Variants in DAB2IP observed in about 807,000 individuals in gnomAD.
The protein encoded by DAB2IP is disabled homolog 2-interacting protein.
A neutral mutation model predicts 107.2 loss-of-function variants in DAB2IP; 28 were observed. The ratio of observed to expected loss-of-function variants is 0.26; its 90% confidence interval spans 0.19 to 0.36. The LOEUF (loss-of-function observed/expected upper bound fraction) is 0.36, where lower values mean the gene tolerates loss of function less well. Ranked by LOEUF, DAB2IP falls within the 10% of genes least tolerant of loss-of-function variation. DAB2IP has a pLI of 1.00. For synonymous variants in DAB2IP, 755 were observed against 706.4 expected (o/e 1.07, Z -1.09); for missense variants, 1,400 against 1,644.7 (o/e 0.85, Z 2.57).
In DAB2IP at chr9:121,699,163, G is replaced by A. The variant is rs1003010451; in HGVS notation, c.229-162G>A. Among the ~76,000 whole-genome samples the A allele has an allele frequency of 4.1e-5, 6 of 145,028 alleles. No individual in the cohort carries two copies. In the South Asian group the frequency reaches 1.3e-3, roughly 30 times the overall value. Reference sequence around the variant, plus strand: ...GCCGGGCCGTCGGCGCTCGGTCGGCGGGCGGGCGGCGCGGGCCGCGAGCTG... The same window carrying A: ...GCCGGGCCGTCGGCGCTCGGTCGGCAGGCGGGCGGCGCGGGCCGCGAGCTG... On this transcript the variant is annotated intron_variant, in intron 2 of 15. Transcript: ENST00000408936. The surrounding 1 kb of genome is among the most constrained non-coding windows in gnomAD (Gnocchi z 6.2).
intron 1 of DAB2IP, among the ~76,000 whole-genome samples, chr9:121,655,150 G>T (rs1011121193): frequency 6.6e-6 from 1 of 152,092 alleles, no homozygotes; most frequent in African/African-American, 2.4e-5. Flanking sequence ...GTAGCTGGAG[G>T]TGGGGTAGAA....
At chr9:121,711,946 A>G (rs914744880) in intron 3 of DAB2IP, among the ~76,000 whole-genome samples, 2 of 152,348 alleles carry the variant, frequency 1.3e-5, no homozygotes, top group African/African-American at 4.8e-5. Flanking sequence ...CCTCTGCAGA[A>G]GGCAGTGGTC....
chr9:121,754,170 G>GC, intron 3 of DAB2IP, among the ~76,000 whole-genome samples: 1 of 152,116 alleles, frequency 6.6e-6, no homozygotes, highest in African/African-American at 2.4e-5. Context: ...TCCTTCCTTA[G>GC]CCCCCTCATC....
At chr9:121,588,889 A>G (rs553636376) in intron 1 of DAB2IP, among the ~76,000 whole-genome samples, 1 of 151,808 alleles carries the variant, frequency 6.6e-6, no homozygotes, top group African/African-American at 2.4e-5. Context: ...CTGAGGGACT[A>G]CTTCTAGCAG....
chr9:121,622,144 A>C (rs1188210853), intron 1 of DAB2IP, among the ~76,000 whole-genome samples: 1 of 151,230 alleles, frequency 6.6e-6, no homozygotes, highest in Non-Finnish European at 1.5e-5. Flanking sequence ...GTGTGCCACC[A>C]CGCTCGGCTA....
In DAB2IP at chr9:121,699,144, C is replaced by T. The variant is rs2118726222; in HGVS notation, c.229-181C>T. Among the ~76,000 whole-genome samples, 1 of 145,006 alleles carries T rather than the reference C, an allele frequency of 6.9e-6. No individual in the cohort carries two copies. Among genetic ancestry groups the T allele is most frequent in the South Asian group, 2.1e-4 (1 of 4,770 alleles). On this transcript the variant is annotated intron_variant, in intron 2 of 15. Transcript: ENST00000408936. The surrounding 1 kb of genome is among the most constrained non-coding windows in gnomAD (Gnocchi z 6.2). ...GCTGGGCCGCGCTGCGCGGGCCGGG[C>T]CGTCGGCGCTCGGTCGGCGGGCGGG...
At chr9:121,569,108 T>A (rs1047168749) in intron 1 of DAB2IP, among the ~76,000 whole-genome samples, 1 of 152,122 alleles carries the variant, frequency 6.6e-6, no homozygotes, top group African/African-American at 2.4e-5. Context: ...GGGTCTGGCT[T>A]TTCCAGCCAA....
chr9:121,630,868 A>G (rs940815822), intron 1 of DAB2IP, among the ~76,000 whole-genome samples: 2 of 152,158 alleles, frequency 1.3e-5, no homozygotes, highest in African/African-American at 4.8e-5. Context: ...TTGGCCTCCC[A>G]AAGTGCTGGG....
chr9:121,703,023 T>C (rs1378774321), intron 3 of DAB2IP, among the ~76,000 whole-genome samples: 1 of 152,154 alleles, frequency 6.6e-6, no homozygotes, highest in Non-Finnish European at 1.5e-5. Context: ...TGTGTGGAGT[T>C]AGGGATCGAT....
chr9:121,617,822 C>A (rs1831331224), intron 1 of DAB2IP, among the ~76,000 whole-genome samples: 1 of 152,206 alleles, frequency 6.6e-6, no homozygotes. Flanking sequence ...AATGGGGGGT[C>A]AGGAGCTCAT....
Position 121,776,337 on chromosome 9 carries a change from G to A in DAB2IP, c.3260G>A (p.Arg1087Gln), listed in dbSNP as rs1432036787. The A allele has an allele frequency of 6.4e-6, 10 of 1,555,494 alleles. No homozygotes were observed. The highest frequency in any genetic ancestry group is 2.4e-5 in the East Asian group (1 of 41,510). The change falls in exon 14 of 16, where the codon CGG (arginine) becomes CAG (glutamine). Residue 1087 changes from arginine (R) to glutamine (Q), a missense_variant. Coordinates refer to ENST00000408936, the Ensembl canonical transcript of DAB2IP. This position sits in a 1 kb window ranked among gnomAD's most constrained non-coding sequence, Gnocchi z 5.4. ...GCACGGCTGGAGGAGGGCGAGGAGC[G>A]GCTGCGGCGGCAGCAGGAGGACAAG...
chr9:121,767,842 G>A (rs1441678727), intron 9 of DAB2IP, among the ~76,000 whole-genome samples: 1 of 152,186 alleles, frequency 6.6e-6, no homozygotes, highest in Non-Finnish European at 1.5e-5. Flanking sequence ...CAAGGGACAA[G>A]GTTAGGGGTG....
chr9:121,716,213 G>A (rs535792644), intron 3 of DAB2IP, among the ~76,000 whole-genome samples: 4 of 152,198 alleles, frequency 2.6e-5, no homozygotes, highest in African/African-American at 4.8e-5. Flanking sequence ...TGGTGGTAGT[G>A]GAGTATACTT....
intron 1 of DAB2IP, among the ~76,000 whole-genome samples, chr9:121,568,989 G>A (rs1564676260): frequency 6.6e-6 from 1 of 152,216 alleles, no homozygotes; most frequent in Admixed American, 6.5e-5. Flanking sequence ...GGAGGTAAGG[G>A]ATTCAAGAGG....
At chr9:121,770,653 C>T (rs1160589595) in exon 11 of DAB2IP, 5 of 1,614,142 alleles carry the variant, frequency 3.1e-6, no homozygotes, top group Non-Finnish European at 3.4e-6. Context: ...ACCTGGCCTC[C>T]ACACCGGGCT....
chr9:121,758,621 A>G lies in DAB2IP; in HGVS notation c.517-277A>G, dbSNP rs72770699. On this transcript the variant is annotated intron_variant, in intron 4 of 15. Coordinates refer to ENST00000408936, the Ensembl canonical transcript of DAB2IP. ...GTTAGAGTTAGGAAGATGCTTTCCTATTGGACAGAGGGCACTGAGGGACGA... is the reference window on the plus strand; with the variant it reads ...GTTAGAGTTAGGAAGATGCTTTCCTGTTGGACAGAGGGCACTGAGGGACGA... 9.7e-3 allele frequency among the ~76,000 whole-genome samples: 1,469 copies of G among 152,206 alleles called. 5 individuals are homozygous for G. Among genetic ancestry groups the G allele is most frequent in the Non-Finnish European group, 0.015 (990 of 67,992 alleles).
At chr9:121,763,332 C>T (rs1360859079) in intron 6 of DAB2IP, among the ~76,000 whole-genome samples, 173 bp from the exon 7 acceptor site, 1 of 152,216 alleles carries the variant, frequency 6.6e-6, no homozygotes, top group Non-Finnish European at 1.5e-5. Flanking sequence ...CTGCCCTGCC[C>T]ACACTCCCCA....
At chr9:121,650,345 T>G (rs1449651898), upstream of DAB2IP, among the ~76,000 whole-genome samples, 1 of 152,174 alleles carries the variant, frequency 6.6e-6, no homozygotes, top group Non-Finnish European at 1.5e-5. Context: ...TCCGCAGGAC[T>G]AGGGACCCTC....
Position 121,698,947 on chromosome 9 carries a change from G to C in DAB2IP, c.229-378G>C, listed in dbSNP as rs138459400. Among the ~76,000 whole-genome samples, 7,997 of 151,908 alleles carry C rather than the reference G, an allele frequency of 0.053. 469 individuals carry two copies. The highest frequency in any genetic ancestry group is 0.14 in the African/African-American group (5,602 of 41,494). Reference sequence around the variant, plus strand: ...GGTGAGCGGGGCGGCCGGCCCTGGCGGTCCCCGGGGGTCTCCGCCCCTCCG... The same window carrying C: ...GGTGAGCGGGGCGGCCGGCCCTGGCCGTCCCCGGGGGTCTCCGCCCCTCCG... On this transcript the variant is annotated intron_variant, in intron 2 of 15. Coordinates refer to ENST00000408936, the Ensembl canonical transcript of DAB2IP. This position sits in a 1 kb window ranked among gnomAD's most constrained non-coding sequence, Gnocchi z 4.1.
Sources: allele counts gnomAD v4.1 joint callset (sites outside exome capture counted in the v4.1 genomes callset), GRCh38; gene constraint gnomAD v4.1.1; non-coding constraint Gnocchi (gnomAD v3.1); transcripts MANE v1.5; gene names NCBI Gene and HGNC (gene_info 2026-07-23, HGNC 2026-07-21).